The following DGKI variants were observed in gnomAD, a reference collection of about 807,000 sequenced individuals.
DGKI encodes diacylglycerol kinase iota, also known as DAG kinase iota.
A neutral mutation model predicts 147.5 loss-of-function variants in DGKI; 55 were observed. The ratio of observed to expected loss-of-function variants is 0.37; its 90% CI spans 0.30 to 0.47. The LOEUF is 0.47. Among genes scored for constraint, DGKI ranks in the 20% least tolerant of loss-of-function variants. The pLI is 1.00. For missense variants in DGKI, 1,007 were observed against 1,323.8 expected (o/e 0.76, Z 3.71); for synonymous variants, 469 against 477.1 (o/e 0.98, Z 0.22).
At chr7:137,838,304 G>C (rs1207548692) in intron 1 of DGKI, among the ~76,000 whole-genome samples, 1 of 152,054 alleles carries the variant, frequency 6.6e-6, no homozygotes, top group African/African-American at 2.4e-5. Context: ...AACTCTTAAA[G>C]AGAATGCTTT....
At chr7:137,742,904 G>T (rs193184701) in intron 1 of DGKI, among the ~76,000 whole-genome samples, 1 of 152,126 alleles carries the variant, frequency 6.6e-6, no homozygotes, top group Non-Finnish European at 1.5e-5. Context: ...CTAACAAAAC[G>T]AAGTTCTAGT....
intron 20 of DGKI, among the ~76,000 whole-genome samples, chr7:137,546,854 CTCTG>C (rs1817884761): frequency 1.3e-5 from 2 of 152,230 alleles, no homozygotes; most frequent in African/African-American, 4.8e-5. Context: ...CCAAGACTCT[CTCTG>C]TCTGTGTTAT....
intron 1 of DGKI, among the ~76,000 whole-genome samples, chr7:137,824,491 G>A (rs2117045722): frequency 7.0e-6 from 1 of 143,592 alleles, no homozygotes; most frequent in East Asian, 1.9e-4. Context: ...ACTCCAGCCT[G>A]GGGGACAGAG....
intron 2 of DGKI, among the ~76,000 whole-genome samples, chr7:137,681,676 G>A (rs917091256): frequency 2.6e-5 from 4 of 152,200 alleles, no homozygotes; most frequent in Non-Finnish European, 5.9e-5. Flanking sequence ...CCAATATGAG[G>A]GAAACCACAG....
chr7:137,647,057 C>A (rs892776777), intron 5 of DGKI, among the ~76,000 whole-genome samples: 12 of 152,154 alleles, frequency 7.9e-5, no homozygotes, highest in African/African-American at 2.9e-4. Flanking sequence ...TTCCTACTAC[C>A]ACAGTTTAAT....
chr7:137,547,293 A>AGTGG (rs1186999178), intron 20 of DGKI, among the ~76,000 whole-genome samples: 1 of 152,248 alleles, frequency 6.6e-6, no homozygotes, highest in East Asian at 1.9e-4. Flanking sequence ...TTCTGAACAC[A>AGTGG]GTGGGACCTA....
chr7:137,567,919 G>T (rs527553173), intron 19 of DGKI, among the ~76,000 whole-genome samples: 1 of 152,222 alleles, frequency 6.6e-6, no homozygotes, highest in Admixed American at 6.5e-5. Context: ...TCTAGGATTT[G>T]CTCCAGAATA....
At chr7:137,529,959 G>A (rs1020410469) in intron 20 of DGKI, among the ~76,000 whole-genome samples, 1 of 152,140 alleles carries the variant, frequency 6.6e-6, no homozygotes, top group Admixed American at 6.6e-5. Context: ...ATGTTGATAA[G>A]GCTGGTCTCA....
chr7:137,632,141 G>T (rs1190824062), intron 6 of DGKI, among the ~76,000 whole-genome samples: 1 of 152,204 alleles, frequency 6.6e-6, no homozygotes, highest in East Asian at 1.9e-4. Context: ...TATGGAAATG[G>T]TTAACATAGC....
At chr7:137,737,513 A>G (rs1024175826) in intron 1 of DGKI, among the ~76,000 whole-genome samples, 4 of 75,140 alleles carry the variant, frequency 5.3e-5, no homozygotes, top group South Asian at 4.4e-4. Context: ...TCGTTTTATT[A>G]AAAAAAAAAA....
chr7:137,469,471 A>C, intron 24 of DGKI, 79 bp downstream of exon 24: 44 of 1,437,948 alleles, frequency 3.1e-5, no homozygotes, highest in Non-Finnish European at 4.1e-5. Context: ...TTGGAAAACT[A>C]GAGCCCACCC....
In DGKI at chr7:137,407,863, A is replaced by G. The variant is rs1562999828; in HGVS notation, c.2920+12T>C. On this transcript the variant is annotated intron_variant, in intron 30 of 32. Coordinates refer to ENST00000614521, the MANE Select transcript of DGKI (RefSeq NM_001321708.2). ...GTAAGTGATCCTTGGTAAGTTCACT[A>G]TGCCTACTTACCGTGGTCAAGGATA... 1 of 1,613,712 alleles carries G rather than the reference A, an allele frequency of 6.2e-7. No homozygotes were observed. The highest frequency in any genetic ancestry group is 1.1e-5 in the South Asian group (1 of 91,006).
At chr7:137,477,898 C>T (rs368260482) in intron 23 of DGKI, among the ~76,000 whole-genome samples, 2 of 152,094 alleles carry the variant, frequency 1.3e-5, no homozygotes, top group Admixed American at 6.6e-5. Context: ...TGGGCTCAAG[C>T]GATCTGCCCA....
At chr7:137,539,820 C>CA (rs1817629929) in intron 20 of DGKI, among the ~76,000 whole-genome samples, 2 of 151,712 alleles carry the variant, frequency 1.3e-5, no homozygotes, top group African/African-American at 4.8e-5. Flanking sequence ...GCCAATTCTT[C>CA]AAAAAAGCCA....
chr7:137,676,641 G>A (rs949020059), intron 3 of DGKI, among the ~76,000 whole-genome samples: 1 of 152,176 alleles, frequency 6.6e-6, no homozygotes, highest in Admixed American at 6.5e-5. Context: ...ATAGGGCCAA[G>A]TACCTGGTAT....
intron 8 of DGKI, among the ~76,000 whole-genome samples, chr7:137,616,215 C>T (rs1285511825): frequency 6.6e-6 from 1 of 152,114 alleles, no homozygotes; most frequent in Non-Finnish European, 1.5e-5. Context: ...ATTTATTTGA[C>T]TTCTCTGTGC....
chr7:137,662,608 C>G (rs984807740), intron 3 of DGKI, among the ~76,000 whole-genome samples: 1 of 152,264 alleles, frequency 6.6e-6, no homozygotes. Context: ...TCTCATGATT[C>G]CAGACCAAGG....
intron 21 of DGKI, among the ~76,000 whole-genome samples, chr7:137,507,077 C>T (rs35017696): frequency 0.034 from 5,180 of 152,254 alleles, 120 homozygotes; most frequent in Middle Eastern, 0.075. Flanking sequence ...ACCACCTGGT[C>T]ATCATTAATT....
intron 23 of DGKI, among the ~76,000 whole-genome samples, chr7:137,470,808 C>T (rs1814852442): frequency 6.6e-6 from 1 of 152,152 alleles, no homozygotes; most frequent in Non-Finnish European, 1.5e-5. Context: ...GTCTCACTTA[C>T]ACACCTCAGA....
Sources: gnomAD v4.1 joint callset for allele counts (sites outside exome capture counted in the v4.1 genomes callset) on GRCh38, gnomAD v4.1.1 for gene constraint, MANE v1.5 for transcripts, NCBI Gene and HGNC (gene_info 2026-07-23, HGNC 2026-07-21) for gene names.